Variants in MGAT4C observed in about 807,000 individuals in gnomAD.
The protein encoded by MGAT4C is MGAT4 family member C.
In MGAT4C, 19 loss-of-function variants were observed where a neutral mutation model predicts 40.1. The observed-to-expected ratio is 0.47, with a 90% CI of 0.33 to 0.70. The LOEUF is 0.70. Among genes scored for constraint, MGAT4C ranks in the 30% least tolerant of loss-of-function variants. The pLI, the probability that MGAT4C is intolerant of heterozygous loss-of-function variation, is 0.02. For missense variants in MGAT4C, 491 were observed against 563.2 expected (o/e 0.87, Z 1.30); for synonymous variants, 181 against 187.1 (o/e 0.97, Z 0.27).
rs189400097 is a variant in MGAT4C, at chr12:86,568,733, T to C, written c.-228-133468A>G. On this transcript the variant is annotated intron_variant, in intron 2 of 7. Transcript: ENST00000548651. ...TGGTATTGGTATAAAAACAGAAACA[T>C]AGACTGATGAAAAAGCATAGAGAAC... 3.3e-5 allele frequency among the ~76,000 whole-genome samples: 5 copies of C among 151,774 alleles called. 1 individual carries two copies. The highest frequency in any genetic ancestry group is 4.8e-5 in the African/African-American group (2 of 41,388).
chr12:86,560,106 T>TA (rs958915549), intron 2 of MGAT4C, among the ~76,000 whole-genome samples: 5 of 151,088 alleles, frequency 3.3e-5, no homozygotes, highest in Admixed American at 6.6e-5. Context: ...CAGGGAGAAT[T>TA]AAAAAAAAAT....
chr12:86,439,300 A>G (rs2136276489), intron 2 of MGAT4C, among the ~76,000 whole-genome samples: 1 of 152,208 alleles, frequency 6.6e-6, no homozygotes, highest in East Asian at 1.9e-4. Flanking sequence ...GCAGAATGAA[A>G]TTAGAAATTA....
At position 85,968,578 on chromosome 12, in the gene MGAT4C, C is replaced by T. The variant is rs930602019; in HGVS notation, c.*10711G>A. 1.3e-5 allele frequency: 2 copies of T among 151,878 alleles called. No individual in the cohort carries two copies. Among genetic ancestry groups the T allele is most frequent in the East Asian group, 1.9e-4 (1 of 5,192 alleles). The allele number at this position is 151,878 out of a possible 1,614,324, so 9.4% of individuals were successfully genotyped here. On this transcript the variant is annotated 3_prime_UTR_variant, in exon 5 of 5. Coordinates refer to ENST00000611864, the MANE Select transcript of MGAT4C (RefSeq NM_001351288.2). The stretch of plus-strand genomic sequence containing the variant: ...GCAGGAAACAACACAGAATAATCTA[C>T]GCTTGTCATCATGTTTTCTAATCTA...
At position 86,281,341 on chromosome 12, in the gene MGAT4C, C is replaced by T. The variant is rs147784245; in HGVS notation, c.-57+52724G>A. ...TTTTCCCCTTCCTATCCCTCATTTC[C>T]TCCCCCTTTCCTTCCTCTCTCCATC... On this transcript the variant is annotated intron_variant, in intron 4 of 7. Transcript: ENST00000548651. Among the ~76,000 whole-genome samples the T allele has an allele frequency of 5.9e-3, 892 of 151,860 alleles. 4 individuals carry two copies. The highest frequency in any genetic ancestry group is 0.01 in the Middle Eastern group (3 of 294).
intron 3 of MGAT4C, among the ~76,000 whole-genome samples, chr12:86,338,905 G>A (rs1171520620): frequency 9.9e-5 from 13 of 131,726 alleles, no homozygotes; most frequent in African/African-American, 3.7e-4. Flanking sequence ...GTTGCAGTGA[G>A]CTGAGATAGT....
chr12:86,442,448 A>G (rs1047106967), intron 2 of MGAT4C, among the ~76,000 whole-genome samples: 8 of 152,068 alleles, frequency 5.3e-5, no homozygotes, highest in African/African-American at 1.9e-4. Flanking sequence ...GTATTGACTA[A>G]GTTTTTTTCT....
chr12:86,707,744 T>C (rs1950487272), intron 2 of MGAT4C, among the ~76,000 whole-genome samples: 1 of 152,040 alleles, frequency 6.6e-6, no homozygotes, highest in Non-Finnish European at 1.5e-5. Flanking sequence ...TTGCCCAGGC[T>C]GGTCTTAAAC....
chr12:86,163,205 C>T (rs532477051), intron 1 of MGAT4C, among the ~76,000 whole-genome samples: 1 of 151,988 alleles, frequency 6.6e-6, no homozygotes, highest in African/African-American at 2.4e-5. Context: ...CATCCTCCCC[C>T]CCTTTTTTTT....
intron 2 of MGAT4C, among the ~76,000 whole-genome samples, chr12:86,447,965 A>G (rs1461518020): frequency 6.6e-6 from 1 of 152,058 alleles, no homozygotes; most frequent in Non-Finnish European, 1.5e-5. Flanking sequence ...ATTCGCCTAT[A>G]TGTTTGAGAC....
chr12:86,803,101 A>T (rs938977149), intron 1 of MGAT4C, among the ~76,000 whole-genome samples: 1 of 146,596 alleles, frequency 6.8e-6, no homozygotes, highest in Non-Finnish European at 1.5e-5. Flanking sequence ...AGCCCTCATA[A>T]ATAATGCCGC....
At chr12:86,427,874 G>C (rs989592745) in intron 3 of MGAT4C, among the ~76,000 whole-genome samples, 1 of 152,062 alleles carries the variant, frequency 6.6e-6, no homozygotes, top group Non-Finnish European at 1.5e-5. Context: ...CACAAAATTA[G>C]CTCAGCTTGG....
chr12:86,194,170 C>T (rs1477143584), intron 1 of MGAT4C, among the ~76,000 whole-genome samples: 1 of 152,138 alleles, frequency 6.6e-6, no homozygotes, highest in Non-Finnish European at 1.5e-5. Flanking sequence ...CCATGTGATT[C>T]ATACTATCAA....
At chr12:86,299,707 C>T (rs1953765033) in intron 4 of MGAT4C, among the ~76,000 whole-genome samples, 1 of 152,036 alleles carries the variant, frequency 6.6e-6, no homozygotes, top group African/African-American at 2.4e-5. Flanking sequence ...CAACATATTA[C>T]ACAACAATAT....
chr12:86,138,139 C>T (rs1364596628), intron 1 of MGAT4C, among the ~76,000 whole-genome samples: 1 of 151,980 alleles, frequency 6.6e-6, no homozygotes, highest in Admixed American at 6.6e-5. Context: ...ATCCTGTTTC[C>T]TTTATCCTGC....
chr12:86,819,474 T>A (rs1952668832), intron 1 of MGAT4C, among the ~76,000 whole-genome samples: 1 of 150,896 alleles, frequency 6.6e-6, no homozygotes. Context: ...AATAATAGAT[T>A]TTTCCTAAAT....
At chr12:86,147,308 C>T (rs1452693383) in intron 1 of MGAT4C, among the ~76,000 whole-genome samples, 2 of 152,004 alleles carry the variant, frequency 1.3e-5, no homozygotes, top group Non-Finnish European at 2.9e-5. Flanking sequence ...GTGCCGCGAT[C>T]TCAGCTCACT....
At chr12:86,708,559 G>T (rs1950502886) in intron 2 of MGAT4C, among the ~76,000 whole-genome samples, 1 of 152,134 alleles carries the variant, frequency 6.6e-6, no homozygotes, top group Non-Finnish European at 1.5e-5. Context: ...CTGACAGCTT[G>T]CATGGTGCAC....
At chr12:85,980,506 TC>T in intron 4 of MGAT4C, 76 bp from the exon 5 acceptor site, 1 of 1,316,622 alleles carries the variant, frequency 7.6e-7, no homozygotes, top group Non-Finnish European at 1.0e-6. Flanking sequence ...AGATATTTAT[TC>T]CTTTGACTTG....
chr12:86,782,427 C>A (rs567414339), intron 1 of MGAT4C, among the ~76,000 whole-genome samples: 1 of 151,910 alleles, frequency 6.6e-6, no homozygotes, highest in African/African-American at 2.4e-5. Flanking sequence ...GTGATCCTCC[C>A]GCCTCGGCCT....
Sources: allele counts gnomAD v4.1 joint callset (sites outside exome capture counted in the v4.1 genomes callset), GRCh38; gene constraint gnomAD v4.1.1; transcripts MANE v1.5; gene names NCBI Gene and HGNC (gene_info 2026-07-23, HGNC 2026-07-21).